Variants in OR52N2 observed in about 807,000 individuals in gnomAD.
OR52N2 encodes the protein olfactory receptor 52N2.
For missense variants in OR52N2, 326 were observed against 196.6 expected (o/e 1.66, Z -3.94); for synonymous variants, 129 against 72.0 (o/e 1.79, Z -4.01).
chr11:5,818,176 G>A (rs548930861), intron 1 of OR52N2, among the ~76,000 whole-genome samples: 2 of 152,014 alleles, frequency 1.3e-5, no homozygotes, highest in South Asian at 4.1e-4. Context: ...CTTTTCCATA[G>A]TTTCCAAATT....
intron 1 of OR52N2, among the ~76,000 whole-genome samples, chr11:5,810,384 G>A (rs1341576821): frequency 5.3e-5 from 8 of 152,158 alleles, no homozygotes; most frequent in Admixed American, 5.2e-4. Context: ...GCTCTGAACT[G>A]AGGAGGAAAG....
chr11:5,816,545 C>CTTTTTTTTTTTTTTTTT (rs1464421774), intron 1 of OR52N2, among the ~76,000 whole-genome samples: 46 of 150,570 alleles, frequency 3.1e-4, no homozygotes, highest in African/African-American at 5.2e-4. Context: ...TGATCTAAAT[C>CTTTTTTTTTTTTTTTTT]TTCTTTTTTT....
chr11:5,820,509 C>T lies in OR52N2; in HGVS notation c.174C>T (p.His58=), dbSNP rs371684747. The change falls in exon 2 of 2, where the codon CAC becomes CAT. Residue 58 remains histidine, a synonymous_variant. Coordinates refer to ENST00000317037, the MANE Select transcript of OR52N2 (RefSeq NM_001005174.3). The part of the protein sequence containing the change: ...ICLISHEEAL[H]RPMYYFLALL... ...TCATCAGCCATGAGGAGGCCCTGCA[C>T]CGGCCCATGTACTACTTCCTGGCCC... 6.4e-5 allele frequency: 50 copies of T among 778,314 alleles called. No individual in the cohort carries two copies. The highest frequency in any genetic ancestry group is 4.5e-4 in the Middle Eastern group (2 of 4,450). The allele number at this position is 778,314 out of a possible 1,614,324, so 48.2% of individuals were successfully genotyped here. A position where few individuals can be genotyped will look rare whatever the true frequency, so the allele number is the denominator to read the frequency against.
intron 1 of OR52N2, among the ~76,000 whole-genome samples, chr11:5,812,033 T>C (rs1846364670): frequency 6.6e-6 from 1 of 151,804 alleles, no homozygotes; most frequent in Non-Finnish European, 1.5e-5. Flanking sequence ...TGAGAACACA[T>C]GGACATAGAG....
At chr11:5,809,648 T>C (rs1239919525) in intron 1 of OR52N2, among the ~76,000 whole-genome samples, 1 of 144,336 alleles carries the variant, frequency 6.9e-6, no homozygotes, top group Non-Finnish European at 1.5e-5. Context: ...ACATTGTCTT[T>C]CAAAAAAAAA....
At chr11:5,817,819 A>G (rs1444268382) in intron 1 of OR52N2, among the ~76,000 whole-genome samples, 2 of 152,240 alleles carry the variant, frequency 1.3e-5, no homozygotes, top group African/African-American at 4.8e-5. Flanking sequence ...GAGTGGATTA[A>G]GATATTCATT....
chr11:5,820,865 C>G lies in OR52N2; in HGVS notation c.530C>G (p.Pro177Arg). 1.3e-6 allele frequency: 1 copy of G among 780,990 alleles called. No individual in the cohort carries two copies. Among genetic ancestry groups the G allele is most frequent in the Non-Finnish European group, 2.4e-6 (1 of 418,104 alleles). The allele number at this position is 780,990 out of a possible 1,614,324, so 48.4% of individuals were successfully genotyped here. A position where few individuals can be genotyped will look rare whatever the true frequency, so the allele number is the denominator to read the frequency against. Residue 177 changes from proline to arginine, a missense_variant, in exon 2 of 2, where the codon CCC becomes CGC. Pro to Arg is a moderately radical substitution (Grantham distance 103, BLOSUM62 -2). Coordinates refer to ENST00000317037, the MANE Select transcript of OR52N2 (RefSeq NM_001005174.3). ...RLPYCRGNFIPHTYCDHMSVA... is the reference protein window; with the variant it reads ...RLPYCRGNFIRHTYCDHMSVA... The stretch of plus-strand genomic sequence containing the variant: ...CCCTATTGCCGGGGGAACTTCATCC[C>G]CCACACCTACTGTGACCATATGTCT...
chr11:5,821,344 G>A lies in OR52N2; in HGVS notation c.*43G>A, dbSNP rs1384901272. 1 of 699,416 alleles carries A rather than the reference G, an allele frequency of 1.4e-6. No individual in the cohort carries two copies. Among genetic ancestry groups the A allele is most frequent in the East Asian group, 2.5e-5 (1 of 40,382 alleles). 43.3% of individuals were successfully genotyped at this position (699,416 alleles called of 1,614,324 possible). A position where few individuals can be genotyped will look rare whatever the true frequency, so the allele number is the denominator to read the frequency against. ...TTGTTTCAGGTGGTGAGAAAATAAT[G>A]GAGACAAAATTTCATAAAAGATGTG... On this transcript the variant is annotated 3_prime_UTR_variant, in exon 2 of 2. Transcript: ENST00000317037.
chr11:5,809,513 C>T (rs546589217), intron 1 of OR52N2, among the ~76,000 whole-genome samples: 111 of 152,190 alleles, frequency 7.3e-4, no homozygotes, highest in South Asian at 1.0e-3. Flanking sequence ...TTGATTAGAG[C>T]TGATGGGAAG....
At chr11:5,818,381 C>T (rs1313797563) in intron 1 of OR52N2, among the ~76,000 whole-genome samples, 5 of 152,218 alleles carry the variant, frequency 3.3e-5, no homozygotes, top group Admixed American at 2.6e-4. Flanking sequence ...ACAGAACCCA[C>T]GGAGACACCT....
intron 1 of OR52N2, among the ~76,000 whole-genome samples, chr11:5,819,544 C>G (rs944048997): frequency 3.3e-5 from 5 of 152,122 alleles, no homozygotes; most frequent in South Asian, 4.1e-4. Flanking sequence ...ACTAAACTTA[C>G]GTAAAACTTG....
At chr11:5,812,718 A>C (rs886789276) in intron 1 of OR52N2, among the ~76,000 whole-genome samples, 7 of 152,058 alleles carry the variant, frequency 4.6e-5, no homozygotes, top group African/African-American at 1.7e-4. Flanking sequence ...CCGCATTTTC[A>C]ACAATGAAAA....
intron 1 of OR52N2, among the ~76,000 whole-genome samples, chr11:5,813,745 T>A (rs945122246): frequency 6.6e-6 from 1 of 152,024 alleles, no homozygotes; most frequent in Non-Finnish European, 1.5e-5. Flanking sequence ...TAGGCCAATA[T>A]CCTGTTAAAC....
chr11:5,817,566 C>T (rs1225422250), intron 1 of OR52N2, among the ~76,000 whole-genome samples: 1 of 151,910 alleles, frequency 6.6e-6, no homozygotes, highest in East Asian at 1.9e-4. Context: ...AATTTTAATT[C>T]AATTTAAAAT....
At chr11:5,816,503 G>A (rs1181044004) in intron 1 of OR52N2, among the ~76,000 whole-genome samples, 2 of 151,338 alleles carry the variant, frequency 1.3e-5, no homozygotes, top group Non-Finnish European at 3.0e-5. Flanking sequence ...AAACAGTGCG[G>A]AGGCCATGTA....
At chr11:5,812,597 T>C (rs1034605322) in intron 1 of OR52N2, among the ~76,000 whole-genome samples, 6 of 151,674 alleles carry the variant, frequency 4.0e-5, no homozygotes, top group Admixed American at 2.6e-4. Context: ...ACATTAACCA[T>C]TGTAAATATA....
intron 1 of OR52N2, among the ~76,000 whole-genome samples, chr11:5,812,621 T>G (rs967759625): frequency 2.0e-5 from 3 of 151,606 alleles, no homozygotes; most frequent in African/African-American, 7.3e-5. Context: ...GTCTGTAATA[T>G]CACAGCACCT....
intron 1 of OR52N2, among the ~76,000 whole-genome samples, chr11:5,812,607 A>G (rs1007693277): frequency 1.3e-5 from 2 of 152,012 alleles, no homozygotes; most frequent in African/African-American, 4.8e-5. Context: ...TTGTAAATAT[A>G]TATGTCTGTA....
chr11:5,817,194 G>T (rs1290176289), intron 1 of OR52N2, among the ~76,000 whole-genome samples: 1 of 152,138 alleles, frequency 6.6e-6, no homozygotes, highest in African/African-American at 2.4e-5. Context: ...GGATTAAGGT[G>T]AAATGTGAGT....
Sources: gnomAD v4.1 joint callset for allele counts (sites outside exome capture counted in the v4.1 genomes callset) on GRCh38, gnomAD v4.1.1 for gene constraint, MANE v1.5 for transcripts, NCBI Gene and HGNC (gene_info 2026-07-23, HGNC 2026-07-21) for gene names.